The following PALM2AKAP2 variants were observed in gnomAD, a reference collection of about 807,000 sequenced individuals.
The protein encoded by PALM2AKAP2 is PALM2 and AKAP2 fusion.
Under a neutral mutation model 71.5 loss-of-function variants are expected in PALM2AKAP2, and 37 were observed. The ratio of observed to expected loss-of-function variants is 0.52; its 90% confidence interval spans 0.40 to 0.68. The LOEUF is 0.68. Ranked by LOEUF, PALM2AKAP2 falls within the 30% of genes least tolerant of loss-of-function variation. The pLI is 0.00. For missense variants in PALM2AKAP2, 1,224 were observed against 1,191.8 expected, an observed-to-expected ratio of 1.03 and a Z score of -0.40; for synonymous variants, 468 against 478.8, an observed-to-expected ratio of 0.98 and a Z score of 0.29.
rs1020672881 is a variant in PALM2AKAP2 at position 110,159,897 on chromosome 9, G to A, written c.2748+3400G>A. 2.6e-5 allele frequency among the ~76,000 whole-genome samples: 4 copies of A among 152,316 alleles called. No homozygotes were observed. In the South Asian group the frequency reaches 8.3e-4, roughly 32 times the overall value. On this transcript the variant is annotated intron_variant, in intron 3 of 3. Coordinates refer to ENST00000374525, the Ensembl canonical transcript of PALM2AKAP2. ...GTTATCCAAAGGTTGTCCCCAACCA[G>A]CCATATTTGTTACTAGCTCAGAACT...
At chr9:109,698,989 C>T (rs895382527) in intron 1 of PALM2AKAP2, among the ~76,000 whole-genome samples, 1 of 152,172 alleles carries the variant, frequency 6.6e-6, no homozygotes, top group African/African-American at 2.4e-5. Flanking sequence ...GACTACATAA[C>T]ATTTCAAAAT....
chr9:110,064,192 A>G (rs1025548077), intron 1 of PALM2AKAP2, among the ~76,000 whole-genome samples: 1 of 152,214 alleles, frequency 6.6e-6, no homozygotes, highest in African/African-American at 2.4e-5. Context: ...CAAGGAGTTA[A>G]AAGCCTGGCT....
In PALM2AKAP2 at chr9:109,925,540, T is replaced by TTC. The variant is rs142625347; in HGVS notation, c.394+474_394+475dup. Among the ~76,000 whole-genome samples the TTC allele has an allele frequency of 4.2e-4, 63 of 150,782 alleles. 1 individual carries two copies. In the South Asian group the frequency reaches 4.4e-3, roughly 11 times the overall value. The stretch of plus-strand genomic sequence containing the variant: ...CTACAGCCTCTGGATTTTCTTTGCT[T>TTC]TCTCTCTCTCTCTCTCTGATCAGAC... On this transcript the variant is annotated intron_variant, in intron 5 of 9. Coordinates refer to the PALM2AKAP2 transcript ENST00000302798.
chr9:109,883,001 G>T (rs540850033), intron 3 of PALM2AKAP2, among the ~76,000 whole-genome samples: 1 of 152,134 alleles, frequency 6.6e-6, no homozygotes, highest in East Asian at 1.9e-4. Flanking sequence ...AATCAAATTG[G>T]CAGTTTAACC....
chr9:109,677,782 A>G (rs1220644988), intron 1 of PALM2AKAP2, among the ~76,000 whole-genome samples: 1 of 152,182 alleles, frequency 6.6e-6, no homozygotes, highest in Non-Finnish European at 1.5e-5. Context: ...TGAAATCATC[A>G]ACATCCATCA....
At chr9:109,832,806 G>A (rs1380753261) in intron 1 of PALM2AKAP2, among the ~76,000 whole-genome samples, 1 of 152,180 alleles carries the variant, frequency 6.6e-6, no homozygotes, top group Admixed American at 6.5e-5. Context: ...AATGGCAAGA[G>A]TTTGTTTAAA....
chr9:109,758,712 T>C (rs1008345360), intron 1 of PALM2AKAP2, among the ~76,000 whole-genome samples: 3 of 152,088 alleles, frequency 2.0e-5, no homozygotes, highest in African/African-American at 7.2e-5. Flanking sequence ...TGCTGTTTAA[T>C]GAAATCTCAG....
chr9:110,110,941 T>G (rs944945806), intron 1 of PALM2AKAP2, among the ~76,000 whole-genome samples: 1 of 152,116 alleles, frequency 6.6e-6, no homozygotes, highest in African/African-American at 2.4e-5. Flanking sequence ...AGGCTAAATG[T>G]TTTAAACAGC....
chr9:109,774,617 GTACTGAC>G, intron 1 of PALM2AKAP2, among the ~76,000 whole-genome samples: 1 of 151,774 alleles, frequency 6.6e-6, no homozygotes, highest in African/African-American at 2.4e-5. Context: ...AAAATGAGAA[GTACTGAC>G]TAATGGGAGG....
At chr9:109,813,607 A>C (rs980361355) in intron 1 of PALM2AKAP2, among the ~76,000 whole-genome samples, 1 of 152,156 alleles carries the variant, frequency 6.6e-6, no homozygotes, top group Non-Finnish European at 1.5e-5. Context: ...GACCCAGAGC[A>C]TGGGTCTTGA....
intron 3 of PALM2AKAP2, among the ~76,000 whole-genome samples, chr9:110,159,075 G>A (rs572039239): frequency 6.6e-6 from 1 of 152,266 alleles, no homozygotes; most frequent in African/African-American, 2.4e-5. Flanking sequence ...TAACCAATCT[G>A]TGGCCCCTTT....
At chr9:110,057,414 G>A (rs1453703100) in intron 1 of PALM2AKAP2, among the ~76,000 whole-genome samples, 2 of 137,362 alleles carry the variant, frequency 1.5e-5, no homozygotes, top group East Asian at 2.2e-4. Flanking sequence ...ACAGAGACTC[G>A]CTCTGCCATG....
At position 109,691,905 on chromosome 9, in the gene PALM2AKAP2, CACACACATATATATATATACACAT is replaced by C. The variant is rs1564114996; in HGVS notation, c.5+51041_5+51064del. ...ACATATATATATATATATATATACACACACACATATATATATATACACATATATATATATACACATATATATATA... is the reference window on the plus strand; with the variant it reads ...ACATATATATATATATATATATACACATATATATATACACATATATATATA... On this transcript the variant is annotated intron_variant, in intron 1 of 6. Coordinates refer to the PALM2AKAP2 transcript ENST00000374531. Among the ~76,000 whole-genome samples the C allele has an allele frequency of 7.3e-3, 416 of 57,206 alleles. 12 individuals are homozygous for C. Among genetic ancestry groups the C allele is most frequent in the African/African-American group, 0.027 (382 of 14,316 alleles). The allele number at this position is 57,206 out of a possible 152,430, so 37.5% of individuals were successfully genotyped here.
chr9:109,942,548 C>A (rs1304817143), intron 6 of PALM2AKAP2: 19 of 901,238 alleles, frequency 2.1e-5, no homozygotes, highest in Non-Finnish European at 1.6e-6. Context: ...ACAGTGCGCA[C>A]CTCACTCTAA....
chr9:109,902,011 AAT>A (rs1830341644), intron 3 of PALM2AKAP2, among the ~76,000 whole-genome samples: 2 of 152,138 alleles, frequency 1.3e-5, no homozygotes, highest in African/African-American at 4.8e-5. Flanking sequence ...CTTGGATCTG[AAT>A]AGAGTTCTAT....
At chr9:109,656,508 AGTGGGT>A (rs1827309816) in intron 1 of PALM2AKAP2, among the ~76,000 whole-genome samples, 1 of 152,210 alleles carries the variant, frequency 6.6e-6, no homozygotes, top group African/African-American at 2.4e-5. Context: ...CTTAAGCTTC[AGTGGGT>A]CCACAGTGAT....
intron 2 of PALM2AKAP2, among the ~76,000 whole-genome samples, chr9:110,142,385 A>G (rs10125885): frequency 0.83 from 126,264 of 152,190 alleles, 52,545 homozygotes; most frequent in African/African-American, 0.89. Context: ...GAGCCACTGC[A>G]CCTGGCCCTT....
intron 6 of PALM2AKAP2, among the ~76,000 whole-genome samples, chr9:109,954,151 A>G (rs528666255): frequency 3.3e-5 from 5 of 152,314 alleles, no homozygotes; most frequent in African/African-American, 1.2e-4. Context: ...GGATTAACAA[A>G]ATTGCCCAAA....
intron 3 of PALM2AKAP2, among the ~76,000 whole-genome samples, chr9:109,897,781 T>A (rs2131837884): frequency 6.6e-6 from 1 of 152,288 alleles, no homozygotes; most frequent in South Asian, 2.1e-4. Context: ...CAAGTATAGA[T>A]TTACAGTTTA....
Sources: gnomAD v4.1 joint callset for allele counts (sites outside exome capture counted in the v4.1 genomes callset) on GRCh38, gnomAD v4.1.1 for gene constraint, MANE v1.5 for transcripts, NCBI Gene and HGNC (gene_info 2026-07-23, HGNC 2026-07-21) for gene names.